The following STXBP5 variants were observed in gnomAD, a reference collection of about 807,000 sequenced individuals.
STXBP5 encodes the protein syntaxin-binding protein 5.
A neutral mutation model predicts 152.4 loss-of-function variants in STXBP5; 50 were observed. That is an observed-to-expected ratio of 0.33 (90% CI 0.26 to 0.42). STXBP5 has a LOEUF of 0.42. Among genes scored for constraint, STXBP5 ranks in the 10% least tolerant of loss-of-function variants. The probability of loss-of-function intolerance (pLI) is 1.00; values close to 1 mark genes in which losing one functional copy is unlikely to be tolerated. For synonymous variants in STXBP5, 492 were observed against 494.7 expected (o/e 0.99, Z 0.07); for missense variants, 1,167 against 1,388.6 (o/e 0.84, Z 2.54).
chr6:147,242,823 C>G (rs1265402783), intron 4 of STXBP5, among the ~76,000 whole-genome samples: 1 of 152,094 alleles, frequency 6.6e-6, no homozygotes, highest in African/African-American at 2.4e-5. Context: ...ACATAGCCAT[C>G]TGTAAGTGAC....
intron 2 of STXBP5, among the ~76,000 whole-genome samples, chr6:147,230,455 T>G (rs1777941942): frequency 1.3e-5 from 2 of 151,950 alleles, no homozygotes; most frequent in Admixed American, 1.3e-4. Flanking sequence ...ATTAGCATAT[T>G]GTTTACTATC....
chr6:147,306,600 C>T (rs556636952), intron 9 of STXBP5, among the ~76,000 whole-genome samples: 2 of 152,294 alleles, frequency 1.3e-5, no homozygotes, highest in South Asian at 4.1e-4. Flanking sequence ...GATTTGGAGT[C>T]CTTTCACCCA....
chr6:147,211,854 C>T (rs965916906), intron 2 of STXBP5, among the ~76,000 whole-genome samples: 16 of 152,170 alleles, frequency 1.1e-4, no homozygotes, highest in African/African-American at 2.2e-4. Context: ...TGAGCCACCA[C>T]GCCAGATTTT....
At chr6:147,238,248 A>G (rs564902819) in intron 3 of STXBP5, among the ~76,000 whole-genome samples, 31 of 152,308 alleles carry the variant, frequency 2.0e-4, no homozygotes, top group African/African-American at 7.2e-4. Flanking sequence ...CTGCCTCATA[A>G]CATGGTAGAG....
chr6:147,358,249 T>C (rs1784897744), intron 22 of STXBP5, among the ~76,000 whole-genome samples: 1 of 151,410 alleles, frequency 6.6e-6, no homozygotes, highest in South Asian at 2.1e-4. Flanking sequence ...AATTAGAAGG[T>C]AGTATCAGAG....
rs117526381 is a variant in STXBP5, at chr6:147,284,845, A to G, written c.839-6249A>G. Reference sequence around the variant, plus strand: ...AAGTATGATAAAAAGTTTGAACTTCATAATGGAGACCTAGTAATTGAGTTT... The same window carrying G: ...AAGTATGATAAAAAGTTTGAACTTCGTAATGGAGACCTAGTAATTGAGTTT... On this transcript the variant is annotated intron_variant, in intron 8 of 27. Transcript: ENST00000321680. 6.0e-3 allele frequency among the ~76,000 whole-genome samples: 919 copies of G among 152,384 alleles called. 4 individuals carry two copies. Among genetic ancestry groups the G allele is most frequent in the Middle Eastern group, 0.024 (7 of 294 alleles).
chr6:147,324,357 C>T (rs1482419984), intron 16 of STXBP5, among the ~76,000 whole-genome samples: 1 of 128,660 alleles, frequency 7.8e-6, no homozygotes, highest in Non-Finnish European at 1.6e-5. Context: ...ACTGCAACTT[C>T]TGCCTCCCGG....
At chr6:147,301,333 A>T (rs929660410) in intron 9 of STXBP5, among the ~76,000 whole-genome samples, 4 of 152,112 alleles carry the variant, frequency 2.6e-5, no homozygotes, top group African/African-American at 7.2e-5. Context: ...ATGTTGAAGC[A>T]ATATCTGCAC....
At position 147,206,039 on chromosome 6, in the gene STXBP5, A is replaced by G; in HGVS notation, c.219A>G (p.Ala73=). The stretch of plus-strand genomic sequence containing the variant: ...TTGATCCTGTACAGAAGATCCTGGC[A>G]GTGGGAACTCAGACTGGTGCTTTAA... ...LAFDPVQKIL[A]VGTQTGALRL... is the part of the protein sequence containing the mutation. Residue 73 remains alanine, a synonymous_variant, in exon 2 of 28, where the codon GCA becomes GCG. Transcript: ENST00000321680. 1.9e-6 allele frequency: 3 copies of G among 1,614,182 alleles called. No individual in the cohort carries two copies. The highest frequency in any genetic ancestry group is 2.5e-6 in the Non-Finnish European group (3 of 1,180,000).
intron 6 of STXBP5, among the ~76,000 whole-genome samples, chr6:147,265,268 T>G (rs977695878): frequency 3.3e-5 from 5 of 152,064 alleles, no homozygotes; most frequent in African/African-American, 1.2e-4. Flanking sequence ...TTAGTTTTGA[T>G]AGTTAGTCCC....
rs556053357 is a variant in STXBP5, at chr6:147,320,656, C to G, written c.1802+4249C>G. ...GGTGGTTTGGCTGGTCACATAAATG[C>G]AAATTCTTACTAACTTTAATAGATA... On this transcript the variant is annotated intron_variant, in intron 16 of 27. Transcript: ENST00000321680. 5.4e-4 allele frequency among the ~76,000 whole-genome samples: 82 copies of G among 151,416 alleles called. No homozygotes were observed. The Middle Eastern group carries it at 0.014, about 25-fold the overall frequency.
chr6:147,292,815 A>G (rs1223488848), intron 9 of STXBP5: 1 of 152,116 alleles, frequency 6.6e-6, no homozygotes, highest in Non-Finnish European at 1.5e-5. Context: ...TCCAGTTTTT[A>G]CTCCTAAATA....
Position 147,384,781 on chromosome 6 carries a change from T to G in STXBP5, c.*26T>G, listed in dbSNP as rs779325741. 6.9e-6 allele frequency: 11 copies of G among 1,602,300 alleles called. No homozygotes were observed. In the African/African-American group the frequency reaches 1.5e-4, roughly 22 times the overall value. ...CAACCAGAATCCAATAAGTCCAACTTCAGCCAGAAGGAAAAAAGTTTTCCA... is the reference window on the plus strand; with the variant it reads ...CAACCAGAATCCAATAAGTCCAACTGCAGCCAGAAGGAAAAAAGTTTTCCA... On this transcript the variant is annotated 3_prime_UTR_variant, in exon 28 of 28. Transcript: ENST00000321680.
At chr6:147,293,475 A>C (rs538422052) in intron 9 of STXBP5, 2 of 152,368 alleles carry the variant, frequency 1.3e-5, no homozygotes, top group African/African-American at 4.8e-5. Flanking sequence ...GCTAGAGCAG[A>C]ATCAGCCTCT....
At chr6:147,287,453 C>G (rs918267843) in intron 8 of STXBP5, among the ~76,000 whole-genome samples, 1 of 151,970 alleles carries the variant, frequency 6.6e-6, no homozygotes, top group African/African-American at 2.4e-5. Flanking sequence ...CCGCCCGCCT[C>G]GGCCTCCCAA....
intron 2 of STXBP5, among the ~76,000 whole-genome samples, chr6:147,232,981 CT>C (rs1442491194): frequency 6.6e-6 from 1 of 151,620 alleles, no homozygotes; most frequent in Non-Finnish European, 1.5e-5. Context: ...CACCAGTAAA[CT>C]ACTTCTTAGA....
chr6:147,295,269 A>G (rs1246878207), intron 9 of STXBP5, among the ~76,000 whole-genome samples: 1 of 152,218 alleles, frequency 6.6e-6, no homozygotes, highest in East Asian at 1.9e-4. Context: ...AGGTACTCAG[A>G]TGAACTCTAG....
intron 16 of STXBP5, among the ~76,000 whole-genome samples, chr6:147,320,491 A>C (rs556764068): frequency 6.6e-6 from 1 of 152,016 alleles, no homozygotes; most frequent in Admixed American, 6.6e-5. Flanking sequence ...AGAGAAGCCC[A>C]GGAGTTCCAC....
chr6:147,356,713 T>A (rs750478214), intron 22 of STXBP5, among the ~76,000 whole-genome samples: 1 of 152,178 alleles, frequency 6.6e-6, no homozygotes, highest in Admixed American at 6.5e-5. Context: ...GGGATATTTT[T>A]AATCTATGAA....
Sources: allele counts gnomAD v4.1 joint callset (sites outside exome capture counted in the v4.1 genomes callset), GRCh38; gene constraint gnomAD v4.1.1; transcripts MANE v1.5; gene names NCBI Gene and HGNC (gene_info 2026-07-23, HGNC 2026-07-21).